The following FANCC variants were observed in gnomAD, a reference collection of about 807,000 sequenced individuals.
The protein encoded by FANCC is Fanconi anemia group C protein.
Under a neutral mutation model 71.3 loss-of-function variants are expected in FANCC, and 55 were observed. The ratio of observed to expected loss-of-function variants is 0.77; its 90% confidence interval spans 0.62 to 0.97. The LOEUF is 0.97. FANCC is among the 50% of genes least tolerant of loss of function. The pLI is 0.00. For synonymous variants in FANCC, 275 were observed against 244.9 expected (o/e 1.12, Z -1.15); for missense variants, 678 against 670.9 (o/e 1.01, Z -0.12).
At chr9:95,281,628 T>A (rs1261674675) in intron 1 of FANCC, among the ~76,000 whole-genome samples, 2 of 152,088 alleles carry the variant, frequency 1.3e-5, no homozygotes, top group Non-Finnish European at 2.9e-5. Flanking sequence ...AAGTACACAG[T>A]CAAATTCTGA....
At chr9:95,260,687 A>T (rs1433267720) in intron 1 of FANCC, among the ~76,000 whole-genome samples, 5 of 137,760 alleles carry the variant, frequency 3.6e-5, no homozygotes, top group African/African-American at 7.8e-5. Context: ...CTTAAAATAT[A>T]AAAAAAAAAA....
chr9:95,193,847 G>A (rs1055339848), intron 4 of FANCC, among the ~76,000 whole-genome samples: 2 of 152,186 alleles, frequency 1.3e-5, no homozygotes, highest in East Asian at 1.9e-4. Flanking sequence ...TCAGAGCTAC[G>A]GAGGGTCATT....
chr9:95,172,544 T>C lies in FANCC; in HGVS notation c.346-397A>G, dbSNP rs73654538. 3.8e-3 allele frequency among the ~76,000 whole-genome samples: 572 copies of C among 152,200 alleles called. 2 individuals carry two copies. Among genetic ancestry groups the C allele is most frequent in the African/African-American group, 0.013 (557 of 41,534 alleles). Reference sequence around the variant, plus strand: ...TCATACAAGGTTCAAGGGTGGCACATTGCACACACATGCGTGAAACACCCA... The same window carrying C: ...TCATACAAGGTTCAAGGGTGGCACACTGCACACACATGCGTGAAACACCCA... On this transcript the variant is annotated intron_variant, in intron 4 of 14. Coordinates refer to ENST00000289081, the MANE Select transcript of FANCC (RefSeq NM_000136.3).
intron 4 of FANCC, among the ~76,000 whole-genome samples, chr9:95,182,313 G>A (rs1215733674): frequency 6.6e-6 from 1 of 151,994 alleles, no homozygotes; most frequent in East Asian, 1.9e-4. Context: ...AAGGTCAGGA[G>A]ATCGAGACCA....
intron 7 of FANCC, among the ~76,000 whole-genome samples, chr9:95,146,035 A>G: frequency 6.6e-6 from 1 of 152,184 alleles, no homozygotes; most frequent in Admixed American, 6.5e-5. Flanking sequence ...CAATCAGGAT[A>G]ATTTAATTCC....
chr9:95,192,712 A>G (rs751480961), intron 4 of FANCC, among the ~76,000 whole-genome samples: 1 of 152,266 alleles, frequency 6.6e-6, no homozygotes, highest in African/African-American at 2.4e-5. Flanking sequence ...ATAAAGGTAT[A>G]GTCAAAGTAG....
intron 10 of FANCC, among the ~76,000 whole-genome samples, chr9:95,122,808 C>T (rs1825274383): frequency 6.6e-6 from 1 of 152,176 alleles, no homozygotes; most frequent in Admixed American, 6.5e-5. Context: ...CCCAGAGGCC[C>T]GTTCCTAATG....
intron 6 of FANCC, among the ~76,000 whole-genome samples, chr9:95,168,932 T>C (rs755747945): frequency 1.4e-4 from 22 of 152,322 alleles, no homozygotes; most frequent in East Asian, 9.6e-4. Flanking sequence ...CCATAATATA[T>C]ACACTACCTG....
chr9:95,123,930 G>C, intron 10 of FANCC: 1 of 388,114 alleles, frequency 2.6e-6, no homozygotes, highest in Non-Finnish European at 5.0e-6. Flanking sequence ...AATGGAAATT[G>C]TACTTAATTA....
At chr9:95,118,461 G>A (rs957715537) in intron 10 of FANCC, among the ~76,000 whole-genome samples, 2 of 152,234 alleles carry the variant, frequency 1.3e-5, no homozygotes, top group African/African-American at 4.8e-5. Context: ...TGGAGTGCAT[G>A]GGCTTTAAGT....
At chr9:95,139,197 C>CT (rs1828191032) in intron 7 of FANCC, among the ~76,000 whole-genome samples, 1 of 152,200 alleles carries the variant, frequency 6.6e-6, no homozygotes, top group Non-Finnish European at 1.5e-5. Context: ...AAATGTGCAG[C>CT]TCTCCCATCT....
At chr9:95,112,373 G>C (rs982657990) in intron 12 of FANCC, among the ~76,000 whole-genome samples, 2 of 152,110 alleles carry the variant, frequency 1.3e-5, no homozygotes, top group Admixed American at 6.5e-5. Flanking sequence ...CCCTTTGTTG[G>C]ATCTTCCTGC....
At chr9:95,261,120 T>G (rs1832014819) in intron 1 of FANCC, among the ~76,000 whole-genome samples, 1 of 152,216 alleles carries the variant, frequency 6.6e-6, no homozygotes. Flanking sequence ...CACGGAGGAA[T>G]AAGACAGTGT....
chr9:95,113,983 G>A (rs923530484), intron 12 of FANCC: 2 of 158,468 alleles, frequency 1.3e-5, no homozygotes, highest in African/African-American at 2.4e-5. Context: ...AGCTACTCAG[G>A]AGTCTGAGTG....
At chr9:95,260,538 A>G (rs1354416313) in intron 1 of FANCC, among the ~76,000 whole-genome samples, 3 of 152,056 alleles carry the variant, frequency 2.0e-5, no homozygotes, top group Non-Finnish European at 2.9e-5. Context: ...GGGGCCTGTC[A>G]GGGGGTTGGG....
At chr9:95,231,690 T>C (rs1007207519) in intron 4 of FANCC, among the ~76,000 whole-genome samples, 9 of 152,196 alleles carry the variant, frequency 5.9e-5, no homozygotes, top group African/African-American at 1.9e-4. Flanking sequence ...GTTCCAAGTG[T>C]GGAGAACAGA....
intron 4 of FANCC, among the ~76,000 whole-genome samples, chr9:95,212,600 G>A (rs1828575720): frequency 6.6e-6 from 1 of 152,146 alleles, no homozygotes; most frequent in Non-Finnish European, 1.5e-5. Flanking sequence ...AATGGTAAGA[G>A]AAACTCAAGA....
At position 95,101,203 on chromosome 9, in the gene FANCC, C is replaced by T. The variant is rs1343853190; in HGVS notation, c.*504G>A. On this transcript the variant is annotated 3_prime_UTR_variant, in exon 15 of 15. Transcript: ENST00000289081. ...GGAGACACAAGGGAAGCCTGAGGGA[C>T]CCTGACTCCCCTTGAAGAATTTCTC... is the stretch of plus-strand genomic sequence containing the variant. 1.2e-5 allele frequency: 3 copies of T among 255,286 alleles called. No homozygotes were observed. Among genetic ancestry groups the T allele is most frequent in the Non-Finnish European group, 2.3e-5 (3 of 130,104 alleles). 15.8% of individuals were successfully genotyped at this position (255,286 alleles called of 1,614,324 possible).
At position 95,301,556 on chromosome 9, in the gene FANCC, T is replaced by C. The variant is rs145530541; in HGVS notation, c.-79+15970A>G. Among the ~76,000 whole-genome samples the C allele has an allele frequency of 1.0e-2, 1,516 of 152,056 alleles. 15 individuals are homozygous for C. Among genetic ancestry groups the C allele is most frequent in the South Asian group, 0.017 (81 of 4,816 alleles). ...GATCCTCCCACCTCAGCCTCCCTAGTAGCTGGGACCACAGGCATGCACCAC... is the reference window on the plus strand; with the variant it reads ...GATCCTCCCACCTCAGCCTCCCTAGCAGCTGGGACCACAGGCATGCACCAC... On this transcript the variant is annotated intron_variant, in intron 1 of 14. Coordinates refer to ENST00000289081, the MANE Select transcript of FANCC (RefSeq NM_000136.3).
Sources: allele counts gnomAD v4.1 joint callset (sites outside exome capture counted in the v4.1 genomes callset), GRCh38; gene constraint gnomAD v4.1.1; transcripts MANE v1.5; gene names NCBI Gene and HGNC (gene_info 2026-07-23, HGNC 2026-07-21).